Variants in PEX2 observed in about 807,000 individuals in gnomAD.
PEX2 encodes peroxisome biogenesis factor 2.
Under a neutral mutation model 25.2 loss-of-function variants are expected in PEX2, and 19 were observed. The observed-to-expected ratio is 0.75, with a 90% CI of 0.53 to 1.10. The LOEUF is 1.10. PEX2 is among the 50% of genes least tolerant of loss of function. The pLI is 0.00. For synonymous variants in PEX2, 141 were observed against 127.7 expected, an observed-to-expected ratio of 1.10 and a Z score of -0.70; for missense variants, 347 against 350.6, an observed-to-expected ratio of 0.99 and a Z score of 0.08.
At chr8:76,999,502 C>G (rs1047055470) in intron 1 of PEX2, among the ~76,000 whole-genome samples, 9 of 152,148 alleles carry the variant, frequency 5.9e-5, no homozygotes, top group African/African-American at 2.2e-4. Context: ...TTATCTCTTC[C>G]TCCATAAGAA....
intron 2 of PEX2, 86 bp downstream of exon 2, chr8:76,988,221 A>G (rs1349566075): frequency 1.3e-5 from 2 of 152,240 alleles, no homozygotes; most frequent in African/African-American, 2.4e-5. Context: ...GGTCTTCACC[A>G]TCACAGTCCT....
At chr8:76,992,215 G>A (rs997107327) in intron 1 of PEX2, among the ~76,000 whole-genome samples, 4 of 152,212 alleles carry the variant, frequency 2.6e-5, no homozygotes, top group Admixed American at 2.6e-4. Flanking sequence ...GAAAAGAGAT[G>A]GGTTCCCGCA....
At chr8:76,997,977 G>A (rs1452393805) in intron 1 of PEX2, among the ~76,000 whole-genome samples, 1 of 152,124 alleles carries the variant, frequency 6.6e-6, no homozygotes, top group East Asian at 1.9e-4. Flanking sequence ...GAATAGAAAA[G>A]GAACATGAAA....
rs10087163 is a variant in PEX2 at position 76,983,629 on chromosome 8, A to G, written c.550T>C (p.Cys184Arg). Residue 184 changes from cysteine to arginine, a missense_variant, in exon 4 of 4, where the codon TGT becomes CGT. By Grantham distance (180) the Cys-to-Arg change is radical. Coordinates refer to ENST00000357039, the MANE Select transcript of PEX2 (RefSeq NM_000318.3). ...HSVFCKPQNI[C>R]EVGFEYMNRE... ...TTCATGTATTCAAAGCCAACTTCAC[A>G]TATGTTTTGAGGCTTGCAAAATACA... is the stretch of plus-strand genomic sequence containing the variant. The G allele has an allele frequency of 0.99, 1,590,376 of 1,614,072 alleles. 783,587 individuals are homozygous for G. The highest frequency in any genetic ancestry group is 1 in the East Asian group (44,872 of 44,874).
At chr8:76,986,892 A>G (rs1807019511) in intron 2 of PEX2, among the ~76,000 whole-genome samples, 1 of 152,178 alleles carries the variant, frequency 6.6e-6, no homozygotes, top group Non-Finnish European at 1.5e-5. Flanking sequence ...GCCTTATCAC[A>G]GTTGAATCAG....
At chr8:76,998,463 TAAAA>T (rs1807400251) in intron 1 of PEX2, among the ~76,000 whole-genome samples, 1 of 152,102 alleles carries the variant, frequency 6.6e-6, no homozygotes, top group Non-Finnish European at 1.5e-5. Context: ...TTTGTATTGA[TAAAA>T]TAAATTGAAA....
In PEX2 at chr8:77,000,026, TTTCTCTGAAACA is replaced by T. The variant is rs1296907738; in HGVS notation, c.-208_-197del. On this transcript the variant is annotated 5_prime_UTR_variant, in exon 1 of 4. An upstream start codon of the reference 5' UTR is lost. Transcript: ENST00000357039. The stretch of plus-strand genomic sequence containing the variant: ...GCGAAACGCCCACGCTCCACGTAAC[TTTCTCTGAAACA>T]TTCTCTGGAAAGCTTGTCTTTTCCT... The T allele has an allele frequency of 2.2e-6, 1 of 451,420 alleles. No individual in the cohort carries two copies. The highest frequency in any genetic ancestry group is 4.5e-6 in the Non-Finnish European group (1 of 224,658). 28.0% of individuals were successfully genotyped at this position (451,420 alleles called of 1,614,324 possible). A position where few individuals can be genotyped will look rare whatever the true frequency, so the allele number is the denominator to read the frequency against.
In PEX2 at chr8:76,996,422, G is replaced by A. The variant is rs1004850646; in HGVS notation, c.-160+3568C>T. 8.5e-5 allele frequency among the ~76,000 whole-genome samples: 13 copies of A among 152,228 alleles called. No homozygotes were observed. The East Asian group carries it at 1.4e-3, about 16-fold the overall frequency. On this transcript the variant is annotated intron_variant, in intron 1 of 3. Transcript: ENST00000357039. ...TGACAACGCGGTAATGGACCCAAAA[G>A]TTAAACATAAACACTTTAGGATGGT...
In PEX2 at chr8:76,980,784, A is replaced by G. The variant is rs1172216376; in HGVS notation, c.*2477T>C. On this transcript the variant is annotated 3_prime_UTR_variant, in exon 4 of 4. Coordinates refer to ENST00000357039, the MANE Select transcript of PEX2 (RefSeq NM_000318.3). The stretch of plus-strand genomic sequence containing the variant: ...GACAACAGCAAAGGAAAGCACTACT[A>G]TTATATTCTATTTACTATGTGTCAG... 6.6e-6 allele frequency: 1 copy of G among 152,208 alleles called. No individual in the cohort carries two copies. Among genetic ancestry groups the G allele is most frequent in the African/African-American group, 2.4e-5 (1 of 41,462 alleles). The allele number at this position is 152,208 out of a possible 1,614,324, so 9.4% of individuals were successfully genotyped here.
chr8:76,983,801 G>A lies in PEX2; in HGVS notation c.378C>T (p.Asn126=). ...LEERCYDLFR[N]HHLASFGKVK... ...CTTTCCCAAATGATGCTAAATGATG[G>A]TTTCGAAACAAATCATAGCATCGTT... Residue 126 remains asparagine, a synonymous_variant, in exon 4 of 4, where the codon AAC becomes AAT. Coordinates refer to ENST00000357039, the MANE Select transcript of PEX2 (RefSeq NM_000318.3). The A allele has an allele frequency of 6.2e-7, 1 of 1,614,064 alleles. No individual in the cohort carries two copies. The highest frequency in any genetic ancestry group is 8.5e-7 in the Non-Finnish European group (1 of 1,180,004).
At chr8:76,992,266 TG>T (rs1807193603) in intron 1 of PEX2, among the ~76,000 whole-genome samples, 1 of 152,242 alleles carries the variant, frequency 6.6e-6, no homozygotes, top group African/African-American at 2.4e-5. Flanking sequence ...TCAACATAGT[TG>T]TGCCTGTTAT....
At chr8:77,000,686 C>T (rs1807487090), upstream of PEX2, among the ~76,000 whole-genome samples, 1 of 152,312 alleles carries the variant, frequency 6.6e-6, no homozygotes, top group South Asian at 2.1e-4. Context: ...GTAGCTGGCC[C>T]GTCAGTCATC....
rs1563606761 is a variant in PEX2, at chr8:76,983,925, T to A, written c.254A>T (p.Tyr85Phe). The A allele has an allele frequency of 6.2e-7, 1 of 1,614,200 alleles. No homozygotes were observed. The highest frequency in any genetic ancestry group is 8.5e-7 in the Non-Finnish European group (1 of 1,180,038). The change falls in exon 4 of 4, where the codon TAC (tyrosine) becomes TTC (phenylalanine). Residue 85 changes from tyrosine to phenylalanine, a missense_variant. Physicochemically the swap from Tyr to Phe is conservative, Grantham distance 22. Coordinates refer to ENST00000357039, the MANE Select transcript of PEX2 (RefSeq NM_000318.3). ...TVGQSVLNIK[Y>F]KNDFSPNLRY... Reference sequence around the variant, plus strand: ...CAGGTTAGGGGAAAAATCATTTTTGTACTTAATATTCAAAACTGACTGTCC... The same window carrying A: ...CAGGTTAGGGGAAAAATCATTTTTGAACTTAATATTCAAAACTGACTGTCC...
chr8:77,001,042 T>A (rs1004893255), upstream of PEX2: 4 of 152,084 alleles, frequency 2.6e-5, no homozygotes, highest in Admixed American at 2.6e-4. Flanking sequence ...AGTTCTTACC[T>A]CCAGTCTCGA....
chr8:76,983,024 T>A lies in PEX2; in HGVS notation c.*237A>T. 8.6e-7 allele frequency: 1 copy of A among 1,167,082 alleles called. No homozygotes were observed. 72.3% of individuals were successfully genotyped at this position (1,167,082 alleles called of 1,614,324 possible). A position where few individuals can be genotyped will look rare whatever the true frequency, so the allele number is the denominator to read the frequency against. On this transcript the variant is annotated 3_prime_UTR_variant, in exon 4 of 4. Transcript: ENST00000357039. Reference sequence around the variant, plus strand: ...TCACCTGACAAAAGCTGTCCATTATTCTTGACATTAAAAATTGAATGCAAT... The same window carrying A: ...TCACCTGACAAAAGCTGTCCATTATACTTGACATTAAAAATTGAATGCAAT...
chr8:76,999,620 T>C (rs916418995), intron 1 of PEX2, among the ~76,000 whole-genome samples: 1 of 152,156 alleles, frequency 6.6e-6, no homozygotes. Flanking sequence ...TTAAGTAAAG[T>C]TTGGATCCTC....
At chr8:76,988,614 G>A (rs1450414266) in intron 1 of PEX2, among the ~76,000 whole-genome samples, 1 of 152,146 alleles carries the variant, frequency 6.6e-6, no homozygotes, top group East Asian at 1.9e-4. Flanking sequence ...ACTGCTGAAG[G>A]CTGGGGTGGT....
At chr8:76,985,922 T>G (rs1418874793) in intron 3 of PEX2, among the ~76,000 whole-genome samples, 1 of 152,218 alleles carries the variant, frequency 6.6e-6, no homozygotes, top group African/African-American at 2.4e-5. Flanking sequence ...AAACACAATT[T>G]ATTAGAAGGT....
chr8:76,987,282 C>G (rs1356138525), intron 2 of PEX2, among the ~76,000 whole-genome samples: 1 of 152,130 alleles, frequency 6.6e-6, no homozygotes, highest in Non-Finnish European at 1.5e-5. Context: ...ATGGTTACAA[C>G]TATACTTCAG....
Sources: allele counts gnomAD v4.1 joint callset (sites outside exome capture counted in the v4.1 genomes callset), GRCh38; gene constraint gnomAD v4.1.1; transcripts MANE v1.5; gene names NCBI Gene and HGNC (gene_info 2026-07-23, HGNC 2026-07-21).